Variants in HDAC9 observed in about 807,000 individuals in gnomAD.
The protein encoded by HDAC9 is histone deacetylase 9, also known as MEF-2 interacting transcription repressor (MITR) protein.
A neutral mutation model predicts 139.4 loss-of-function variants in HDAC9; 41 were observed. The ratio of observed to expected loss-of-function variants is 0.29; its 90% CI spans 0.23 to 0.38. The LOEUF is 0.38. Ranked by LOEUF, HDAC9 falls within the 10% of genes least tolerant of loss-of-function variation. The pLI, the probability that HDAC9 is intolerant of heterozygous loss-of-function variation, is 1.00. For missense variants in HDAC9, 1,147 were observed against 1,297.0 expected, an observed-to-expected ratio of 0.88 and a Z score of 1.78; for synonymous variants, 517 against 476.2, an observed-to-expected ratio of 1.09 and a Z score of -1.12.
intron 1 of HDAC9, among the ~76,000 whole-genome samples, chr7:18,304,139 G>A (rs148435171): frequency 6.6e-6 from 1 of 152,186 alleles, no homozygotes; most frequent in Non-Finnish European, 1.5e-5. Flanking sequence ...TGGTACTATT[G>A]TGAGATTATA....
intron 22 of HDAC9, 56 bp from the exon 23 acceptor site, chr7:18,935,753 A>C: frequency 2.4e-4 from 335 of 1,375,222 alleles, no homozygotes; most frequent in Non-Finnish European, 3.1e-4. Context: ...GTTAGATTCT[A>C]GTGATCACTT....
chr7:18,115,605 T>C (rs1783927099), intron 1 of HDAC9, among the ~76,000 whole-genome samples: 2 of 152,222 alleles, frequency 1.3e-5, no homozygotes, highest in African/African-American at 4.8e-5. Context: ...TTTCTCCTTT[T>C]GAGGAATTTG....
chr7:18,634,229 C>T (rs950991307), intron 7 of HDAC9, among the ~76,000 whole-genome samples: 11 of 151,988 alleles, frequency 7.2e-5, no homozygotes, highest in African/African-American at 2.7e-4. Context: ...GTCTGAACCT[C>T]ATGGGTTAAC....
intron 21 of HDAC9, among the ~76,000 whole-genome samples, chr7:18,852,145 G>A (rs143450687): frequency 6.6e-6 from 1 of 152,318 alleles, no homozygotes; most frequent in East Asian, 1.9e-4. Flanking sequence ...TGCCTTACAA[G>A]TAGCTGACTT....
chr7:18,357,226 A>G (rs749287281), intron 1 of HDAC9, among the ~76,000 whole-genome samples: 1 of 152,146 alleles, frequency 6.6e-6, no homozygotes, highest in Non-Finnish European at 1.5e-5. Context: ...CATTCTTCCT[A>G]TATATCCAAT....
intron 1 of HDAC9, among the ~76,000 whole-genome samples, chr7:18,463,120 T>G (rs1793988343): frequency 6.6e-6 from 1 of 152,018 alleles, no homozygotes; most frequent in African/African-American, 2.4e-5. Context: ...TGAAATAAAT[T>G]GAACTCATCC....
At chr7:18,482,750 G>A (rs144895160) in intron 1 of HDAC9, among the ~76,000 whole-genome samples, 3,326 of 152,176 alleles carry the variant, frequency 0.022, 70 homozygotes, top group Middle Eastern at 0.034. Flanking sequence ...TACCAAGGGA[G>A]CATTAACAGC....
chr7:18,603,036 T>A (rs909178231), intron 6 of HDAC9, among the ~76,000 whole-genome samples: 9 of 152,088 alleles, frequency 5.9e-5, no homozygotes, highest in African/African-American at 2.2e-4. Flanking sequence ...TGTGACTATT[T>A]TATCAATATG....
chr7:18,881,867 G>C (rs2129256484), intron 22 of HDAC9, among the ~76,000 whole-genome samples: 1 of 152,204 alleles, frequency 6.6e-6, no homozygotes, highest in African/African-American at 2.4e-5. Context: ...GAGAAAAGGA[G>C]TGTCTAGAAG....
chr7:18,548,309 C>A lies in HDAC9; in HGVS notation c.23-36972C>A, dbSNP rs1409244287. On this transcript the variant is annotated intron_variant, in intron 2 of 25. Transcript: ENST00000686413. Reference sequence around the variant, plus strand: ...TCAAAGATCACTGATTACAGATTACCCTAACAGATATAATAATAATGAAAA... The same window carrying A: ...TCAAAGATCACTGATTACAGATTACACTAACAGATATAATAATAATGAAAA... Among the ~76,000 whole-genome samples, 3 of 151,912 alleles carry A rather than the reference C, an allele frequency of 2.0e-5. No individual in the cohort carries two copies. The East Asian group carries it at 5.8e-4, about 29-fold the overall frequency.
intron 2 of HDAC9, among the ~76,000 whole-genome samples, chr7:18,193,115 T>C (rs1188290914): frequency 1.3e-5 from 2 of 152,214 alleles, no homozygotes; most frequent in African/African-American, 4.8e-5. Context: ...GGATCAAAGA[T>C]GCTGATTCTG....
At chr7:18,360,105 T>G (rs1783659227) in intron 1 of HDAC9, among the ~76,000 whole-genome samples, 1 of 152,224 alleles carries the variant, frequency 6.6e-6, no homozygotes, top group Non-Finnish European at 1.5e-5. Flanking sequence ...TTCTAGATTG[T>G]TTTCAGAAAG....
chr7:18,305,423 A>G (rs1027648723), intron 1 of HDAC9, among the ~76,000 whole-genome samples: 1 of 152,222 alleles, frequency 6.6e-6, no homozygotes, highest in Non-Finnish European at 1.5e-5. Flanking sequence ...TTCTCGACTA[A>G]TTCTGAAAAA....
chr7:18,193,182 G>A (rs1790478639), intron 2 of HDAC9, among the ~76,000 whole-genome samples: 1 of 152,134 alleles, frequency 6.6e-6, no homozygotes, highest in Non-Finnish European at 1.5e-5. Flanking sequence ...GTTGGTGCTT[G>A]TAATACCAAG....
intron 23 of HDAC9, among the ~76,000 whole-genome samples, chr7:18,946,085 TCATTATGGCTCAGTAGTGTTAACTTTATC>T (rs1420440892): frequency 2.9e-5 from 4 of 138,352 alleles, no homozygotes; most frequent in Non-Finnish European, 6.2e-5. Flanking sequence ...GACCATCCAT[TCATTATGGCTCAGTAGTGTTAACTTTATC>T]CATGTATACA....
At chr7:18,701,651 G>C (rs17139704) in intron 12 of HDAC9, among the ~76,000 whole-genome samples, 1 of 152,028 alleles carries the variant, frequency 6.6e-6, no homozygotes, top group Non-Finnish European at 1.5e-5. Context: ...AAATAATTTC[G>C]TCATGGGAAT....
intron 1 of HDAC9, among the ~76,000 whole-genome samples, chr7:18,349,461 C>T (rs1469961413): frequency 6.6e-6 from 1 of 151,874 alleles, no homozygotes; most frequent in Non-Finnish European, 1.5e-5. Context: ...TTTTTTCTTT[C>T]TCCCAGTATA....
intron 21 of HDAC9, among the ~76,000 whole-genome samples, chr7:18,859,865 A>T (rs1438307932): frequency 3.9e-5 from 5 of 126,748 alleles, no homozygotes; most frequent in Non-Finnish European, 6.9e-5. Flanking sequence ...TATATGTGAG[A>T]GAATGAGAGA....
intron 6 of HDAC9, among the ~76,000 whole-genome samples, chr7:18,601,448 T>C (rs1387231278): frequency 6.6e-6 from 1 of 152,164 alleles, no homozygotes; most frequent in Non-Finnish European, 1.5e-5. Flanking sequence ...ATTCCCAATC[T>C]GTATGCCTTT....
Sources: gnomAD v4.1 joint callset for allele counts (sites outside exome capture counted in the v4.1 genomes callset) on GRCh38, gnomAD v4.1.1 for gene constraint, MANE v1.5 for transcripts, NCBI Gene and HGNC (gene_info 2026-07-23, HGNC 2026-07-21) for gene names.